USP54: variants seen among roughly 807,000 people sequenced by gnomAD.
USP54 encodes ubiquitin specific peptidase 54.
USP54 carries 87 observed loss-of-function variants against 170.5 expected under a neutral mutation model. The observed-to-expected ratio is 0.51, with a 90% CI of 0.43 to 0.61. The LOEUF (loss-of-function observed/expected upper bound fraction) is 0.61. Ranked by LOEUF, USP54 falls within the 20% of genes least tolerant of loss-of-function variation. USP54 has a pLI of 0.00. For synonymous variants in USP54, 655 were observed against 742.8 expected, an observed-to-expected ratio of 0.88 and a Z score of 1.92; for missense variants, 1,786 against 2,047.8, an observed-to-expected ratio of 0.87 and a Z score of 2.47.
intron 4 of USP54, among the ~76,000 whole-genome samples, chr10:73,549,539 G>C (rs2068720363): frequency 6.6e-6 from 1 of 152,030 alleles, no homozygotes; most frequent in Admixed American, 6.6e-5. Flanking sequence ...GAAAACCTTG[G>C]AAACCACCTG....
chr10:73,500,345 G>A (rs1486302652), intron 23 of USP54, among the ~76,000 whole-genome samples: 2 of 152,314 alleles, frequency 1.3e-5, no homozygotes, highest in South Asian at 2.1e-4. Context: ...TTCTGGGGAT[G>A]TCCCAAAGAC....
intron 1 of USP54, among the ~76,000 whole-genome samples, chr10:73,580,729 C>T (rs1047291421): frequency 3.9e-5 from 6 of 151,964 alleles, no homozygotes; most frequent in Non-Finnish European, 7.4e-5. Flanking sequence ...CGCACCATCA[C>T]GCTCAGCTAT....
intron 1 of USP54, among the ~76,000 whole-genome samples, chr10:73,609,387 G>A (rs2079940923): frequency 6.6e-6 from 1 of 152,188 alleles, no homozygotes; most frequent in African/African-American, 2.4e-5. Flanking sequence ...AATAAGTTTT[G>A]TTTCCACAGA....
At chr10:73,521,513 T>C (rs1465940884) in intron 17 of USP54, among the ~76,000 whole-genome samples, 6 of 152,224 alleles carry the variant, frequency 3.9e-5, no homozygotes. Context: ...GTAGCTTCAT[T>C]ATTCTGTGGA....
intron 18 of USP54, 174 bp from the exon 19 acceptor site, chr10:73,520,166 A>G (rs1255090927): frequency 2.3e-6 from 2 of 887,620 alleles, no homozygotes; most frequent in Non-Finnish European, 3.3e-6. Context: ...GCCTCTGGCT[A>G]TAAGGAACAT....
At chr10:73,580,666 G>A (rs1348664198) in intron 1 of USP54, among the ~76,000 whole-genome samples, 11 of 152,016 alleles carry the variant, frequency 7.2e-5, no homozygotes, top group South Asian at 2.1e-4. Flanking sequence ...TCTGCCTCCC[G>A]GGCTCAAGCG....
At chr10:73,624,660 T>G (rs988012103) in intron 1 of USP54, 1 of 152,184 alleles carries the variant, frequency 6.6e-6, no homozygotes, top group African/African-American at 2.4e-5. Context: ...AATAAATTAT[T>G]TTTATGCCTG....
At chr10:73,610,853 G>A (rs1002287190) in intron 1 of USP54, among the ~76,000 whole-genome samples, 6 of 152,248 alleles carry the variant, frequency 3.9e-5, no homozygotes, top group South Asian at 2.1e-4. Flanking sequence ...AACATGGCAC[G>A]GGAAGGTAAT....
At chr10:73,576,884 A>G (rs1429659665) in intron 1 of USP54, among the ~76,000 whole-genome samples, 1 of 152,222 alleles carries the variant, frequency 6.6e-6, no homozygotes, top group African/African-American at 2.4e-5. Context: ...ACATGTCCTT[A>G]ACATGCAGTC....
At chr10:73,522,854 T>G (rs1238712434) in intron 17 of USP54, among the ~76,000 whole-genome samples, 3 of 152,182 alleles carry the variant, frequency 2.0e-5, no homozygotes, top group African/African-American at 7.2e-5. Flanking sequence ...GTTAAAAGCT[T>G]GCACTTACAA....
intron 11 of USP54, 71 bp from the exon 12 acceptor site, chr10:73,534,841 T>C: frequency 6.8e-7 from 1 of 1,461,018 alleles, no homozygotes; most frequent in Non-Finnish European, 9.4e-7. Context: ...GGAAAAGAGA[T>C]GGACACAACA....
chr10:73,503,393 C>T (rs2058514708), intron 22 of USP54, among the ~76,000 whole-genome samples: 1 of 152,208 alleles, frequency 6.6e-6, no homozygotes, highest in African/African-American at 2.4e-5. Context: ...CTATATCTAA[C>T]TCACCATTGT....
At position 73,621,507 on chromosome 10, in the gene USP54, G is replaced by A. The variant is rs1228546489; in HGVS notation, c.-18+4060C>T. The stretch of plus-strand genomic sequence containing the variant: ...CCCAGCTACTCAGGAGGCTGAGGCA[G>A]AAGAATGGCATGAACCCAGGAGGCG... On this transcript the variant is annotated intron_variant, in intron 1 of 22. Coordinates refer to the USP54 transcript ENST00000339859. Among the ~76,000 whole-genome samples the A allele has an allele frequency of 4.8e-5, 7 of 146,682 alleles. No individual in the cohort carries two copies. In the South Asian group the frequency reaches 1.6e-3, roughly 33 times the overall value.
Position 73,537,290 on chromosome 10 carries a change from C to T in USP54, c.976-853G>A, listed in dbSNP as rs1307007041. 5.3e-5 allele frequency among the ~76,000 whole-genome samples: 8 copies of T among 152,140 alleles called. No individual in the cohort carries two copies. The East Asian group carries it at 1.5e-3, about 29-fold the overall frequency. ...AATAAAAACCCTAAATCTAAAAGAA[C>T]TTAAATAAATTGCCCCAAATTACAA... On this transcript the variant is annotated intron_variant, in intron 10 of 23. Transcript: ENST00000687698.
chr10:73,537,826 T>C (rs2065570474), intron 10 of USP54: 1 of 151,724 alleles, frequency 6.6e-6, no homozygotes, highest in Non-Finnish European at 1.5e-5. Context: ...GAACATGGCA[T>C]GCCAAAAAGG....
chr10:73,525,335 T>C (rs1047578604), intron 16 of USP54, among the ~76,000 whole-genome samples: 48 of 152,222 alleles, frequency 3.2e-4, no homozygotes, highest in Admixed American at 1.4e-3. Flanking sequence ...TGTGTCTTAA[T>C]AAAATGGTTA....
intron 12 of USP54, among the ~76,000 whole-genome samples, chr10:73,532,062 A>G (rs564279450): frequency 1.5e-3 from 224 of 152,348 alleles, no homozygotes; most frequent in Non-Finnish European, 2.7e-3. Flanking sequence ...ATATGGATAC[A>G]TATTTTCAAT....
intron 4 of USP54, among the ~76,000 whole-genome samples, chr10:73,557,282 G>A (rs1438766359): frequency 6.6e-6 from 1 of 151,792 alleles, no homozygotes; most frequent in African/African-American, 2.4e-5. Flanking sequence ...AATAAATTTG[G>A]GGCTTTTGAG....
At chr10:73,594,087 T>C (rs1004947674), upstream of USP54, among the ~76,000 whole-genome samples, 8 of 152,256 alleles carry the variant, frequency 5.3e-5, no homozygotes, top group East Asian at 1.5e-3. Flanking sequence ...CTTTTTTTTT[T>C]TGAGTCCAAG....
Sources: allele counts gnomAD v4.1 joint callset (sites outside exome capture counted in the v4.1 genomes callset), GRCh38; gene constraint gnomAD v4.1.1; transcripts MANE v1.5; gene names NCBI Gene and HGNC (gene_info 2026-07-23, HGNC 2026-07-21).